The following NEBL variants were observed in gnomAD, a reference collection of about 807,000 sequenced individuals.
The protein encoded by NEBL is nebulette, also known as LIM and SH3 protein 2.
Under a neutral mutation model 140.2 loss-of-function variants are expected in NEBL, and 122 were observed. That is an observed-to-expected ratio of 0.87 (90% CI 0.75 to 1.01). The LOEUF (loss-of-function observed/expected upper bound fraction) is 1.01, where lower values mean the gene tolerates loss of function less well. NEBL is among the 50% of genes least tolerant of loss of function. NEBL has a pLI of 0.00. For synonymous variants in NEBL, 436 were observed against 398.9 expected (o/e 1.09, Z -1.11); for missense variants, 1,365 against 1,231.3 (o/e 1.11, Z -1.62).
At chr10:21,123,133 A>T (rs952892847) in intron 2 of NEBL, among the ~76,000 whole-genome samples, 1 of 152,180 alleles carries the variant, frequency 6.6e-6, no homozygotes, top group African/African-American at 2.4e-5. Context: ...CACATATACT[A>T]TCCCTTTGAG....
At chr10:21,213,447 G>A (rs940613101) in intron 3 of NEBL, among the ~76,000 whole-genome samples, 1 of 152,204 alleles carries the variant, frequency 6.6e-6, no homozygotes, top group African/African-American at 2.4e-5. Context: ...CTAAAGAACA[G>A]TGTCTATAAA....
chr10:21,060,740 T>A (rs1835235999), intron 2 of NEBL, among the ~76,000 whole-genome samples: 1 of 152,150 alleles, frequency 6.6e-6, no homozygotes, highest in Non-Finnish European at 1.5e-5. Context: ...CATTTCAATC[T>A]AATTCTCATC....
At chr10:21,184,876 G>A (rs559582633) in intron 3 of NEBL, among the ~76,000 whole-genome samples, 12 of 152,276 alleles carry the variant, frequency 7.9e-5, no homozygotes, top group East Asian at 1.9e-4. Flanking sequence ...TGGTGTACCC[G>A]AGACTGTTAA....
chr10:21,101,340 C>T (rs981367633), intron 2 of NEBL, among the ~76,000 whole-genome samples: 2 of 152,218 alleles, frequency 1.3e-5, no homozygotes, highest in African/African-American at 4.8e-5. Context: ...GCCCAGATCA[C>T]GTGCAGGCAA....
At chr10:20,826,412 T>C (rs1431472629) in intron 18 of NEBL, 35 bp downstream of exon 18, 2 of 1,540,690 alleles carry the variant, frequency 1.3e-6, no homozygotes, top group South Asian at 2.2e-5. Flanking sequence ...TTGGTTTGCT[T>C]TTAGAAAAGA....
At chr10:21,006,719 AC>A (rs1454547878) in intron 3 of NEBL, among the ~76,000 whole-genome samples, 1 of 152,160 alleles carries the variant, frequency 6.6e-6, no homozygotes, top group African/African-American at 2.4e-5. Flanking sequence ...ATTAGGAGCC[AC>A]CCTTCTAGAG....
At chr10:20,797,985 C>G (rs574011961) in intron 26 of NEBL, among the ~76,000 whole-genome samples, 10 of 152,098 alleles carry the variant, frequency 6.6e-5, no homozygotes, top group African/African-American at 2.4e-4. Context: ...TGCCTGTCCT[C>G]CCAGTGATTC....
chr10:20,879,798 C>T (rs991349636), intron 5 of NEBL, among the ~76,000 whole-genome samples: 1 of 151,872 alleles, frequency 6.6e-6, no homozygotes, highest in African/African-American at 2.4e-5. Flanking sequence ...ACACATTCCT[C>T]CTGGAGAGAA....
intron 2 of NEBL, among the ~76,000 whole-genome samples, chr10:21,069,445 G>A (rs550271254): frequency 8.1e-4 from 123 of 152,308 alleles, no homozygotes; most frequent in Admixed American, 5.9e-4. Context: ...CAAGAAACAG[G>A]ATTCCAGAAA....
chr10:21,135,906 G>A (rs548101895), intron 2 of NEBL, among the ~76,000 whole-genome samples: 1 of 152,218 alleles, frequency 6.6e-6, no homozygotes, highest in East Asian at 1.9e-4. Context: ...AATTAGCTAA[G>A]AGGCAAGGAA....
chr10:21,044,259 T>A (rs1834399829), intron 2 of NEBL, among the ~76,000 whole-genome samples: 1 of 151,736 alleles, frequency 6.6e-6, no homozygotes, highest in Admixed American at 6.6e-5. Context: ...TAGCTGGGCG[T>A]GGTGGTGGGC....
intron 2 of NEBL, chr10:21,029,600 C>T: frequency 3.2e-6 from 5 of 1,565,952 alleles, no homozygotes; most frequent in East Asian, 2.2e-5. Context: ...GACTGGAGGG[C>T]TCGTTCTGCC....
chr10:20,939,197 A>T (rs1335206480), intron 4 of NEBL, among the ~76,000 whole-genome samples: 1 of 152,216 alleles, frequency 6.6e-6, no homozygotes, highest in Non-Finnish European at 1.5e-5. Context: ...AGGTCAGGTT[A>T]CCCACAAAGG....
At chr10:21,083,262 T>C (rs545271325) in intron 2 of NEBL, among the ~76,000 whole-genome samples, 61 of 152,292 alleles carry the variant, frequency 4.0e-4, no homozygotes, top group Admixed American at 2.3e-3. Context: ...GGGTAAGCAA[T>C]AGTCGATTTA....
chr10:20,907,395 T>A (rs1344080468), intron 4 of NEBL, among the ~76,000 whole-genome samples: 1 of 152,188 alleles, frequency 6.6e-6, no homozygotes, highest in African/African-American at 2.4e-5. Context: ...TGACGTAAAG[T>A]CCCACTAGTT....
intron 2 of NEBL, among the ~76,000 whole-genome samples, chr10:21,063,813 T>G (rs925783760): frequency 6.6e-6 from 1 of 152,032 alleles, no homozygotes; most frequent in African/African-American, 2.4e-5. Flanking sequence ...GAGCTTGTAG[T>G]GAGCCAAGGT....
rs973620113 is a variant in NEBL, at chr10:20,833,185, C to T, written c.1450-1602G>A. Among the ~76,000 whole-genome samples the T allele has an allele frequency of 1.1e-4, 17 of 152,226 alleles. No homozygotes were observed. In the South Asian group the frequency reaches 3.1e-3, roughly 28 times the overall value. On this transcript the variant is annotated intron_variant, in intron 14 of 27. Coordinates refer to ENST00000377122, the MANE Select transcript of NEBL (RefSeq NM_006393.3). ...ACTTAGCAGGTTTAAAACAACATGG[C>T]GGCATCTACATTCCAAGAGGGCAAA...
intron 3 of NEBL, among the ~76,000 whole-genome samples, chr10:21,245,353 T>C (rs67699494): frequency 0.3 from 46,070 of 152,118 alleles, 8,491 homozygotes; most frequent in African/African-American, 0.52. Context: ...TGTTAAACTA[T>C]GGTATGTTTT....
chr10:21,058,922 C>G (rs940344575), intron 2 of NEBL, among the ~76,000 whole-genome samples: 9 of 152,164 alleles, frequency 5.9e-5, no homozygotes, highest in Non-Finnish European at 1.5e-5. Context: ...TAAAGTTGAG[C>G]AGGTCAAAGG....
Sources: allele counts gnomAD v4.1 joint callset (sites outside exome capture counted in the v4.1 genomes callset), GRCh38; gene constraint gnomAD v4.1.1; transcripts MANE v1.5; gene names NCBI Gene and HGNC (gene_info 2026-07-23, HGNC 2026-07-21).